Variants in LRRC73 observed in about 807,000 individuals in gnomAD.
LRRC73 encodes leucine rich repeat containing 73.
In LRRC73, 16 loss-of-function variants were observed where a neutral mutation model predicts 26.4. The ratio of observed to expected loss-of-function variants is 0.61; its 90% CI spans 0.41 to 0.92. The LOEUF (loss-of-function observed/expected upper bound fraction) is 0.92. LRRC73 is among the 40% of genes least tolerant of loss of function. The pLI, the probability that LRRC73 is intolerant of heterozygous loss-of-function variation, is 0.00. For missense variants in LRRC73, 344 were observed against 416.3 expected (o/e 0.83, Z 1.51); for synonymous variants, 210 against 179.8 (o/e 1.17, Z -1.34).
chr6:43,507,741 C>T, intron 4 of LRRC73, 63 bp from the exon 5 acceptor site: 1 of 1,590,176 alleles, frequency 6.3e-7, no homozygotes, highest in Admixed American at 1.7e-5. Context: ...AGACCTCAAC[C>T]TGCCATGCCT....
Position 43,507,566 on chromosome 6 carries a change from C to T in LRRC73, c.770G>A (p.Gly257Glu), listed in dbSNP as rs766256875. 66 of 1,613,970 alleles carry T rather than the reference C, an allele frequency of 4.1e-5. No individual in the cohort carries two copies. Among genetic ancestry groups the T allele is most frequent in the Non-Finnish European group, 5.2e-5 (61 of 1,180,048 alleles). The change falls in exon 5 of 6, where the codon GGA becomes GAA. Residue 257 changes from glycine to glutamate, a missense_variant. Physicochemically the swap from Gly to Glu is moderately conservative, Grantham distance 98. Transcript: ENST00000372441. ...TCCTGCCACTTCCTCCTCCTCCTCT[C>T]CCTCAGAGAGGAGGTCACAGATCTG... is the stretch of plus-strand genomic sequence containing the variant.
intron 3 of LRRC73, 114 bp downstream of exon 3, chr6:43,508,183 GC>G: frequency 7.1e-7 from 1 of 1,413,754 alleles, no homozygotes; most frequent in Non-Finnish European, 9.5e-7. Context: ...ACCCCTGGGG[GC>G]TCCCGTTTCT....
chr6:43,509,653 A>C (rs994254234), exon 1 of LRRC73: 3 of 1,598,526 alleles, frequency 1.9e-6, no homozygotes, highest in Non-Finnish European at 2.6e-6. Flanking sequence ...ATGCGGCCAA[A>C]GTCGCGGTCG....
chr6:43,507,088 C>G, exon 6 of LRRC73: 1 of 772,012 alleles, frequency 1.3e-6, no homozygotes, highest in South Asian at 1.7e-5. Context: ...TCCAGAGCTT[C>G]CTTCCCACCA....
chr6:43,507,050 C>T, exon 6 of LRRC73: 1 of 615,446 alleles, frequency 1.6e-6, no homozygotes, highest in South Asian at 2.0e-5. Context: ...GTTCAAGTGC[C>T]CCCCAAGGCT....
chr6:43,510,165 C>T, exon 1 of LRRC73: 1 of 172,636 alleles, frequency 5.8e-6, no homozygotes. Flanking sequence ...GCGGCGGCGG[C>T]GGCGGCAGCG....
intron 1 of LRRC73, among the ~76,000 whole-genome samples, chr6:43,509,172 G>A (rs1792592704): frequency 2.0e-5 from 3 of 152,192 alleles, no homozygotes; most frequent in Admixed American, 2.0e-4. Context: ...GTGGTGGACC[G>A]GAACTCTGCA....
chr6:43,510,345 A>C (rs942718232), exon 1 of LRRC73: 1 of 152,348 alleles, frequency 6.6e-6, no homozygotes, highest in Non-Finnish European at 1.5e-5. Context: ...CCAGCTCCAG[A>C]GAGCGAGCGG....
chr6:43,508,997 T>C, intron 1 of LRRC73, 77 bp from the exon 2 acceptor site: 1 of 1,415,578 alleles, frequency 7.1e-7, no homozygotes, highest in Non-Finnish European at 9.4e-7. Context: ...TTCACTTCTG[T>C]CAGCCCTAGG....
Position 43,507,779 on chromosome 6 carries a change from A to T in LRRC73, c.657+47T>A, listed in dbSNP as rs749700650. The T allele has an allele frequency of 1.9e-6, 3 of 1,598,546 alleles. No homozygotes were observed. The East Asian group carries it at 6.7e-5, about 36-fold the overall frequency. Reference sequence around the variant, plus strand: ...GGTATGTCATCAGACACATAAACTAACCTCCACCCCATCCCCTGGCCGTGC... The same window carrying T: ...GGTATGTCATCAGACACATAAACTATCCTCCACCCCATCCCCTGGCCGTGC... On this transcript the variant is annotated intron_variant, in intron 4 of 5. Transcript: ENST00000372441.
chr6:43,507,514 C>G (rs2127680442), exon 5 of LRRC73: 2 of 1,613,500 alleles, frequency 1.2e-6, no homozygotes, highest in Non-Finnish European at 1.7e-6. Flanking sequence ...CCCGCCCTCT[C>G]TCCCATTCCT....
intron 2 of LRRC73, 93 bp from the exon 3 acceptor site, chr6:43,508,513 G>C (rs1792574825): frequency 2.5e-6 from 4 of 1,572,408 alleles, no homozygotes; most frequent in South Asian, 2.3e-5. Flanking sequence ...GGTGTCCCTA[G>C]TGGCTGGGCA....
chr6:43,509,181 C>T (rs967942282), intron 1 of LRRC73, among the ~76,000 whole-genome samples: 2 of 152,184 alleles, frequency 1.3e-5, no homozygotes, highest in African/African-American at 4.8e-5. Flanking sequence ...CGGAACTCTG[C>T]AGTGGGCAGG....
At chr6:43,507,833 G>A in exon 4 of LRRC73, 1 of 1,613,722 alleles carries the variant, frequency 6.2e-7, no homozygotes, top group Non-Finnish European at 8.5e-7. Flanking sequence ...CACCTGAGCT[G>A]ACTGGTTGGT....
At chr6:43,507,079 C>G (rs1792512190) in exon 6 of LRRC73, 4 of 729,154 alleles carry the variant, frequency 5.5e-6, no homozygotes, top group South Asian at 5.3e-5. Context: ...GTCACAGCTT[C>G]CAGAGCTTCC....
chr6:43,509,399 A>C, intron 1 of LRRC73, 115 bp downstream of exon 1: 1 of 1,302,836 alleles, frequency 7.7e-7, no homozygotes, highest in East Asian at 2.5e-5. Context: ...GTGTATGTGC[A>C]TAAGGCATGT....
chr6:43,509,137 G>C (rs1240259686), intron 1 of LRRC73, among the ~76,000 whole-genome samples: 1 of 152,102 alleles, frequency 6.6e-6, no homozygotes, highest in African/African-American at 2.4e-5. Context: ...CATTGCACAG[G>C]GAGGGGCAGA....
At chr6:43,508,773 A>C (rs766040738) in exon 2 of LRRC73, 3 of 1,610,936 alleles carry the variant, frequency 1.9e-6, no homozygotes, top group Non-Finnish European at 2.5e-6. Context: ...ATTTGGCCCC[A>C]TCTGGGGGCA....
At chr6:43,507,242 A>G in exon 6 of LRRC73, 2 of 1,613,856 alleles carry the variant, frequency 1.2e-6, no homozygotes, top group East Asian at 4.5e-5. Context: ...GGAGAGTCAC[A>G]TCTCGGTCTC....
Sources: gnomAD v4.1 joint callset for allele counts (sites outside exome capture counted in the v4.1 genomes callset) on GRCh38, gnomAD v4.1.1 for gene constraint, MANE v1.5 for transcripts, NCBI Gene and HGNC (gene_info 2026-07-23, HGNC 2026-07-21) for gene names.